The following LRRC37A2 variants were observed in gnomAD, a reference collection of about 807,000 sequenced individuals.
LRRC37A2 encodes leucine-rich repeat-containing protein 37A2.
A neutral mutation model predicts 68.8 loss-of-function variants in LRRC37A2; 9 were observed. The ratio of observed to expected loss-of-function variants is 0.13; its 90% CI spans 0.08 to 0.23. LRRC37A2 has a LOEUF of 0.23. LRRC37A2 is among the 10% of genes least tolerant of loss of function. The pLI is 1.00. For missense variants in LRRC37A2, 168 were observed against 950.4 expected, an observed-to-expected ratio of 0.18 and a Z score of 10.82; for synonymous variants, 63 against 367.6, an observed-to-expected ratio of 0.17 and a Z score of 9.48.
intron 2 of LRRC37A2, among the ~76,000 whole-genome samples, chr17:46,516,216 TGGCATGAACCTGGGA>T (rs1357520559): frequency 7.0e-6 from 1 of 143,506 alleles, no homozygotes; most frequent in East Asian, 2.0e-4. Flanking sequence ...GGCAGGAGAA[TGGCATGAACCTGGGA>T]GGCAGAGCTT....
the LRRC37A2 span, among the ~76,000 whole-genome samples, chr17:46,819,139 G>A: frequency 6.6e-6 from 1 of 152,196 alleles, no homozygotes; most frequent in African/African-American, 2.4e-5. The surrounding 1 kb of genome is among the most constrained non-coding windows in gnomAD (Gnocchi z 5.3). Flanking sequence ...GCACAGGGAT[G>A]TTTCCAGAAG....
chr17:47,034,105 C>T, the LRRC37A2 span, among the ~76,000 whole-genome samples: 1 of 152,230 alleles, frequency 6.6e-6, no homozygotes, highest in African/African-American at 2.4e-5. Flanking sequence ...GAGGCCAAGA[C>T]AGGCAGATCG....
the LRRC37A2 span, among the ~76,000 whole-genome samples, chr17:46,759,590 T>C: frequency 1.3e-5 from 2 of 152,246 alleles, no homozygotes; most frequent in Admixed American, 6.5e-5. Context: ...GTAGCAGCAA[T>C]GCGTAGCTGC....
At chr17:46,824,405 T>C in the LRRC37A2 span, among the ~76,000 whole-genome samples, 3 of 152,160 alleles carry the variant, frequency 2.0e-5, no homozygotes, top group African/African-American at 7.2e-5. Flanking sequence ...CTCGCCACCA[T>C]GCCTGGCTAA....
the LRRC37A2 span, among the ~76,000 whole-genome samples, chr17:46,989,591 A>T: frequency 6.6e-6 from 1 of 152,196 alleles, no homozygotes; most frequent in Non-Finnish European, 1.5e-5. Context: ...GTTGGTGGCC[A>T]CCAGGGTCCC....
the LRRC37A2 span, chr17:46,770,176 G>A: frequency 3.1e-6 from 4 of 1,292,830 alleles, no homozygotes; most frequent in African/African-American, 4.5e-5. Context: ...CCAGCCCTGA[G>A]GCAAGAGGGA....
At chr17:46,991,993 A>T in the LRRC37A2 span, among the ~76,000 whole-genome samples, 2 of 152,232 alleles carry the variant, frequency 1.3e-5, no homozygotes, top group South Asian at 4.1e-4. Context: ...ATTGGAACCA[A>T]GCTAAATGTC....
chr17:46,722,153 G>T, the LRRC37A2 span: 2 of 1,611,756 alleles, frequency 1.2e-6, no homozygotes, highest in East Asian at 2.2e-5. Context: ...CGATCTTGGC[G>T]CTCGAACTGA....
chr17:46,762,455 TG>T, the LRRC37A2 span: 5 of 152,070 alleles, frequency 3.3e-5, no homozygotes, highest in African/African-American at 1.2e-4. Flanking sequence ...CTCGTATCCT[TG>T]ACCTCCTGAG....
At chr17:46,923,168 A>T in the LRRC37A2 span, 2 of 1,478,264 alleles carry the variant, frequency 1.4e-6, no homozygotes, top group African/African-American at 1.4e-5. Flanking sequence ...CCAGAGCCGG[A>T]GCCGTGGCCT....
At chr17:46,725,100 C>T in the LRRC37A2 span, among the ~76,000 whole-genome samples, 1 of 152,066 alleles carries the variant, frequency 6.6e-6, no homozygotes, top group African/African-American at 2.4e-5. Context: ...TAGTATAATA[C>T]AAAAATAGTA....
the LRRC37A2 span, among the ~76,000 whole-genome samples, chr17:47,030,092 ATC>A: frequency 0.054 from 4,011 of 73,804 alleles, 287 homozygotes; most frequent in East Asian, 0.24. Flanking sequence ...AATAATAATC[ATC>A]ATCATCATCA....
the LRRC37A2 span, among the ~76,000 whole-genome samples, chr17:46,879,194 G>T: frequency 6.9e-3 from 1,048 of 152,248 alleles, 12 homozygotes; most frequent in African/African-American, 0.024. Context: ...AGCACAGGTG[G>T]GGTTTGTGTA....
At chr17:46,755,742 G>A in the LRRC37A2 span, 2 of 548,350 alleles carry the variant, frequency 3.6e-6, no homozygotes, top group Non-Finnish European at 2.7e-6. Context: ...TTTTTTTTTT[G>A]ATGAATAGTT....
the LRRC37A2 span, among the ~76,000 whole-genome samples, chr17:46,790,017 C>A: frequency 6.6e-6 from 1 of 152,130 alleles, no homozygotes; most frequent in Admixed American, 6.5e-5. Context: ...GGACTTCCCC[C>A]ACTCTATTTA....
chr17:46,914,796 G>A, the LRRC37A2 span, among the ~76,000 whole-genome samples: 1 of 151,980 alleles, frequency 6.6e-6, no homozygotes, highest in African/African-American at 2.4e-5. Context: ...AATGCCCTGT[G>A]CCTGCCTTTC....
chr17:46,743,384 G>A, the LRRC37A2 span, among the ~76,000 whole-genome samples: 2 of 152,132 alleles, frequency 1.3e-5, no homozygotes, highest in Non-Finnish European at 2.9e-5. Flanking sequence ...CTTCTTGCCT[G>A]TTCTGACTGT....
At chr17:46,377,564 A>T in the LRRC37A2 span, among the ~76,000 whole-genome samples, 1 of 40,722 alleles carries the variant, frequency 2.5e-5, no homozygotes, top group African/African-American at 4.8e-5. Context: ...TCCTCCTATC[A>T]CTGGATCTTT....
At chr17:47,045,215 T>C in the LRRC37A2 span, among the ~76,000 whole-genome samples, 1 of 137,394 alleles carries the variant, frequency 7.3e-6, no homozygotes, top group African/African-American at 2.6e-5. Flanking sequence ...AATCTAAAAC[T>C]CTATACATTG....
Sources: allele counts gnomAD v4.1 joint callset (sites outside exome capture counted in the v4.1 genomes callset), GRCh38; gene constraint gnomAD v4.1.1; non-coding constraint Gnocchi (gnomAD v3.1); transcripts MANE v1.5; gene names NCBI Gene and HGNC (gene_info 2026-07-23, HGNC 2026-07-21).